Variants in AUH observed in about 807,000 individuals in gnomAD.
AUH encodes the protein methylglutaconyl-CoA hydratase, mitochondrial.
AUH carries 29 observed loss-of-function variants against 42.3 expected under a neutral mutation model. The ratio of observed to expected loss-of-function variants is 0.69; its 90% CI spans 0.51 to 0.93. AUH has a LOEUF of 0.93. Among genes scored for constraint, AUH ranks in the 40% least tolerant of loss-of-function variants. AUH has a pLI of 0.00. For synonymous variants in AUH, 174 were observed against 166.4 expected (o/e 1.05, Z -0.35); for missense variants, 452 against 438.1 (o/e 1.03, Z -0.28).
At chr9:91,333,434 GAA>G (rs1311427967) in intron 3 of AUH, among the ~76,000 whole-genome samples, 1 of 152,106 alleles carries the variant, frequency 6.6e-6, no homozygotes, top group Admixed American at 6.5e-5. Flanking sequence ...CTTCTGGATT[GAA>G]TTTTCATTAC....
At chr9:91,339,923 C>T (rs1304457138) in intron 3 of AUH, among the ~76,000 whole-genome samples, 1 of 152,116 alleles carries the variant, frequency 6.6e-6, no homozygotes, top group Non-Finnish European at 1.5e-5. Context: ...GATCAGCGTG[C>T]AGGGAGGCTG....
At chr9:91,240,487 G>A (rs1393271656) in intron 6 of AUH, among the ~76,000 whole-genome samples, 1 of 152,156 alleles carries the variant, frequency 6.6e-6, no homozygotes, top group Non-Finnish European at 1.5e-5. Flanking sequence ...GAATGGCTGG[G>A]CTAGTAAATT....
At chr9:91,298,184 T>A (rs1209332759) in intron 4 of AUH, 108 bp from the exon 5 acceptor site, 6 of 821,752 alleles carry the variant, frequency 7.3e-6, no homozygotes, top group Non-Finnish European at 1.2e-5. Flanking sequence ...GGAGATCATA[T>A]ACAGACTTTT....
chr9:91,328,319 T>C (rs1173057961), intron 3 of AUH, among the ~76,000 whole-genome samples: 1 of 152,200 alleles, frequency 6.6e-6, no homozygotes, highest in Non-Finnish European at 1.5e-5. Context: ...CTTCCACTGT[T>C]AGCTATGATG....
intron 6 of AUH, among the ~76,000 whole-genome samples, chr9:91,228,212 T>C (rs894483420): frequency 3.3e-5 from 5 of 152,242 alleles, no homozygotes; most frequent in African/African-American, 1.2e-4. Flanking sequence ...AAGCTATTGA[T>C]TATTGCCACA....
intron 6 of AUH, among the ~76,000 whole-genome samples, chr9:91,276,089 G>A (rs1825515183): frequency 6.6e-6 from 1 of 151,936 alleles, no homozygotes; most frequent in African/African-American, 2.4e-5. Context: ...TACCCCATAA[G>A]CTAATGGGGT....
intron 4 of AUH, among the ~76,000 whole-genome samples, chr9:91,315,803 T>C (rs1829111420): frequency 6.6e-6 from 1 of 152,142 alleles, no homozygotes; most frequent in Non-Finnish European, 1.5e-5. Context: ...CACCGAGCTC[T>C]TCAACTATCC....
intron 4 of AUH, among the ~76,000 whole-genome samples, chr9:91,310,254 C>CA (rs1355017276): frequency 1.3e-5 from 2 of 152,184 alleles, no homozygotes; most frequent in African/African-American, 4.8e-5. Context: ...GTAGAAAAGA[C>CA]AGAGGATCAA....
chr9:91,259,222 A>G (rs1829572228), intron 6 of AUH, among the ~76,000 whole-genome samples: 1 of 152,046 alleles, frequency 6.6e-6, no homozygotes, highest in Non-Finnish European at 1.5e-5. Flanking sequence ...CAGATTCCCT[A>G]TTCTCATGTC....
intron 6 of AUH, among the ~76,000 whole-genome samples, chr9:91,292,025 A>C (rs572169611): frequency 6.6e-6 from 1 of 152,216 alleles, no homozygotes; most frequent in East Asian, 1.9e-4. Flanking sequence ...CAAAATGGGA[A>C]TGCCTCCAAA....
chr9:91,288,611 T>C (rs895705191), intron 6 of AUH, among the ~76,000 whole-genome samples: 3 of 152,270 alleles, frequency 2.0e-5, no homozygotes, highest in Non-Finnish European at 2.9e-5. Flanking sequence ...ATATATATAT[T>C]ACAAATAAAA....
intron 6 of AUH, among the ~76,000 whole-genome samples, chr9:91,282,335 ATT>A (rs111581720): frequency 6.8e-6 from 1 of 146,504 alleles, no homozygotes; most frequent in Non-Finnish European, 1.5e-5. Context: ...CCCTTCCCCT[ATT>A]TTTTTTTTCT....
At chr9:91,353,932 C>T (rs1476692502) in intron 3 of AUH, among the ~76,000 whole-genome samples, 1 of 151,288 alleles carries the variant, frequency 6.6e-6, no homozygotes, top group African/African-American at 2.4e-5. Flanking sequence ...TTTGGGATGC[C>T]GAGGCAGGTG....
At chr9:91,269,728 T>C (rs963867938) in intron 6 of AUH, among the ~76,000 whole-genome samples, 2 of 152,198 alleles carry the variant, frequency 1.3e-5, no homozygotes, top group Admixed American at 6.5e-5. Flanking sequence ...CAAAATGCAG[T>C]TGAAGAAATG....
chr9:91,224,695 G>T (rs145637771), intron 6 of AUH, among the ~76,000 whole-genome samples: 106 of 152,224 alleles, frequency 7.0e-4, no homozygotes, highest in African/African-American at 2.1e-3. Context: ...ACAAATACAT[G>T]ATTTCATTCA....
intron 6 of AUH, among the ~76,000 whole-genome samples, chr9:91,243,479 G>A (rs558397687): frequency 3.5e-4 from 53 of 152,350 alleles, no homozygotes; most frequent in African/African-American, 1.0e-3. Context: ...GGCAAGGCCC[G>A]TGTGATGGAA....
chr9:91,345,930 G>T (rs1429116147), intron 3 of AUH, among the ~76,000 whole-genome samples: 1 of 152,014 alleles, frequency 6.6e-6, no homozygotes, highest in South Asian at 2.1e-4. Context: ...ATGTAATGGG[G>T]GAAAAGTTGG....
At chr9:91,314,885 C>T (rs947207396) in intron 4 of AUH, among the ~76,000 whole-genome samples, 5 of 152,206 alleles carry the variant, frequency 3.3e-5, no homozygotes, top group Non-Finnish European at 7.3e-5. Flanking sequence ...GTGGTTCTGG[C>T]CCATCTACAG....
intron 4 of AUH, among the ~76,000 whole-genome samples, chr9:91,320,068 C>T (rs952997202): frequency 2.6e-5 from 4 of 152,188 alleles, no homozygotes; most frequent in Admixed American, 6.5e-5. Context: ...ACTTGTGCTG[C>T]ATGACATGGA....
Sources: gnomAD v4.1 joint callset for allele counts (sites outside exome capture counted in the v4.1 genomes callset) on GRCh38, gnomAD v4.1.1 for gene constraint, MANE v1.5 for transcripts, NCBI Gene and HGNC (gene_info 2026-07-23, HGNC 2026-07-21) for gene names.